Variants in SFT2D1 observed in about 807,000 individuals in gnomAD.
SFT2D1 encodes the protein vesicle transport protein SFT2A.
A neutral mutation model predicts 28.1 loss-of-function variants in SFT2D1; 24 were observed. The observed-to-expected ratio is 0.85, with a 90% CI of 0.62 to 1.20. The LOEUF (loss-of-function observed/expected upper bound fraction) is 1.20, where lower values mean the gene tolerates loss of function less well. SFT2D1 is among the 50% of genes most tolerant of loss of function. The pLI, the probability that SFT2D1 is intolerant of heterozygous loss-of-function variation, is 0.00. For synonymous variants in SFT2D1, 82 were observed against 73.7 expected, an observed-to-expected ratio of 1.11 and a Z score of -0.58; for missense variants, 181 against 190.9, an observed-to-expected ratio of 0.95 and a Z score of 0.31.
At chr6:166,334,854 C>T (rs9459655) in intron 1 of SFT2D1, 2 of 424,922 alleles carry the variant, frequency 4.7e-6, no homozygotes, top group South Asian at 3.8e-5. Context: ...AGGGCTGTCT[C>T]GAGAAGATTC....
chr6:166,328,336 AG>A lies in SFT2D1; in HGVS notation c.254del (p.Pro85LeufsTer2). 6.3e-7 allele frequency: 1 copy of A among 1,589,108 alleles called. No homozygotes were observed. The highest frequency in any genetic ancestry group is 1.2e-5 in the South Asian group (1 of 86,536). ...ALASTCFLMG[P>X]VKQLKKMFEA... ...CAAACATTTTCTTCAGTTGCTTCAC[AG>A]GTCCCATTAAAAAGCATGTACTATT... is the stretch of plus-strand genomic sequence containing the variant. On this transcript the variant is annotated frameshift_variant, in exon 4 of 8. Transcript: ENST00000361731. LOFTEE classifies it high-confidence loss of function.
intron 1 of SFT2D1, chr6:166,334,884 C>A: frequency 2.4e-6 from 1 of 420,230 alleles, no homozygotes; most frequent in South Asian, 2.0e-5. Context: ...AGGTGCCCAA[C>A]TGTGAAAAAG....
intron 6 of SFT2D1, 196 bp from the exon 7 acceptor site, chr6:166,323,082 A>C (rs375844032): frequency 1.4e-5 from 7 of 483,356 alleles, no homozygotes; most frequent in Admixed American, 7.5e-5. Flanking sequence ...CCTACCTTAA[A>C]CCTCCTAAAT....
At chr6:166,330,100 A>C (rs973867233) in intron 2 of SFT2D1, 61 bp downstream of exon 2, 1 of 1,310,308 alleles carries the variant, frequency 7.6e-7, no homozygotes, top group Admixed American at 3.0e-5. Flanking sequence ...TTTGGTACTA[A>C]ATGGAATTAT....
chr6:166,338,881 G>A (rs947389962), intron 1 of SFT2D1, among the ~76,000 whole-genome samples: 15 of 152,054 alleles, frequency 9.9e-5, no homozygotes, highest in African/African-American at 2.9e-4. Flanking sequence ...TCTGGCTACC[G>A]TGCCTCTCCC....
chr6:166,329,367 A>G, intron 3 of SFT2D1, 140 bp downstream of exon 3: 1 of 658,378 alleles, frequency 1.5e-6, no homozygotes, highest in South Asian at 2.6e-5. Flanking sequence ...GTCAATACAT[A>G]TTTATTTAAT....
chr6:166,336,471 T>TA (rs1489265822), intron 1 of SFT2D1, among the ~76,000 whole-genome samples: 1 of 152,134 alleles, frequency 6.6e-6, no homozygotes, highest in Non-Finnish European at 1.5e-5. Context: ...TTAATTCTCT[T>TA]AAAAAAACAC....
At chr6:166,332,382 T>A (rs141234900) in intron 1 of SFT2D1, among the ~76,000 whole-genome samples, 1 of 152,132 alleles carries the variant, frequency 6.6e-6, no homozygotes, top group African/African-American at 2.4e-5. Context: ...AGTCTCCCAA[T>A]TAGCTGGGAC....
chr6:166,329,711 T>C (rs1222504018), intron 2 of SFT2D1, 122 bp from the exon 3 acceptor site: 2 of 777,600 alleles, frequency 2.6e-6, no homozygotes, highest in Non-Finnish European at 4.0e-6. Flanking sequence ...CAAATCTGCT[T>C]GTAGACAGTC....
rs550218057 is a variant in SFT2D1 at position 166,337,048 on chromosome 6, C to T, written c.63+5371G>A. On this transcript the variant is annotated intron_variant, in intron 1 of 7. Coordinates refer to ENST00000361731, the MANE Select transcript of SFT2D1 (RefSeq NM_145169.3). ...GGCTGGCCACAGGCAATTACACAGG[C>T]TCTAGCAGGCAGGCCTCCCGGGGAA... Among the ~76,000 whole-genome samples the T allele has an allele frequency of 4.6e-5, 7 of 152,360 alleles. No homozygotes were observed. In the South Asian group the frequency reaches 1.0e-3, roughly 23 times the overall value.
At chr6:166,329,697 A>AATAC in intron 2 of SFT2D1, 108 bp from the exon 3 acceptor site, 7 of 868,996 alleles carry the variant, frequency 8.1e-6, no homozygotes, top group Non-Finnish European at 1.2e-5. Context: ...AATATGTTTA[A>AATAC]ATACAAATCT....
At chr6:166,332,088 C>G (rs1051801324) in intron 1 of SFT2D1, among the ~76,000 whole-genome samples, 4 of 152,194 alleles carry the variant, frequency 2.6e-5, no homozygotes, top group Non-Finnish European at 5.9e-5. Context: ...CACTTGTAAA[C>G]ATGGAATATT....
At chr6:166,320,420 T>C (rs1778329650) in intron 7 of SFT2D1, among the ~76,000 whole-genome samples, 164 bp from the exon 8 acceptor site, 1 of 152,246 alleles carries the variant, frequency 6.6e-6, no homozygotes, top group Non-Finnish European at 1.5e-5. Flanking sequence ...GATTAAGAGC[T>C]AAGATTTGAA....
Position 166,342,502 on chromosome 6 carries a change from G to C in SFT2D1, c.-21C>G, listed in dbSNP as rs751307187. The C allele has an allele frequency of 7.1e-6, 11 of 1,542,342 alleles. No homozygotes were observed. The highest frequency in any genetic ancestry group is 4.1e-5 in the African/African-American group (3 of 72,884). On this transcript the variant is annotated 5_prime_UTR_variant, in exon 1 of 8. Coordinates refer to ENST00000361731, the MANE Select transcript of SFT2D1 (RefSeq NM_145169.3). ...TCCATGGCCCTGTTACAGGGCCGTAGCGGCCGCCACTCTGTTGCCTGCCCC... is the reference window on the plus strand; with the variant it reads ...TCCATGGCCCTGTTACAGGGCCGTACCGGCCGCCACTCTGTTGCCTGCCCC...
At chr6:166,321,607 T>C (rs1008696425) in intron 7 of SFT2D1, among the ~76,000 whole-genome samples, 1 of 152,216 alleles carries the variant, frequency 6.6e-6, no homozygotes, top group African/African-American at 2.4e-5. Flanking sequence ...AAATAAAATT[T>C]CTACCAATTT....
chr6:166,331,059 T>TG (rs754558555), intron 1 of SFT2D1, among the ~76,000 whole-genome samples: 15 of 152,200 alleles, frequency 9.9e-5, no homozygotes, highest in Non-Finnish European at 4.4e-5. Flanking sequence ...CCAAATTATG[T>TG]GGGGAAAAAA....
chr6:166,324,349 G>T (rs982978414), intron 6 of SFT2D1, 188 bp downstream of exon 6: 1 of 522,352 alleles, frequency 1.9e-6, no homozygotes, highest in Middle Eastern at 3.0e-4. Flanking sequence ...TACTTCTCCC[G>T]AACAGTACCA....
chr6:166,339,776 G>A (rs1020866324), intron 1 of SFT2D1, among the ~76,000 whole-genome samples: 1 of 152,134 alleles, frequency 6.6e-6, no homozygotes, highest in Admixed American at 6.5e-5. Context: ...CCTCTCAGCT[G>A]TCTTTGCCGG....
In SFT2D1 at chr6:166,342,432, C is replaced by T. The variant is rs886074965; in HGVS notation, c.50G>A (p.Gly17Asp). Residue 17 changes from glycine (G) to aspartate (D), a missense_variant, in exon 1 of 8, where the codon GGC (glycine) becomes GAC (aspartate). Coordinates refer to ENST00000361731, the MANE Select transcript of SFT2D1 (RefSeq NM_145169.3). The part of the protein sequence containing the change: ...VLSGQDDEEQ[G>D]LTAQVLDASS... ...CAAGTTCGCTACCTGCGCAGTCAGG[C>T]CCTGCTCCTCGTCGTCCTGGCCGCT... 12 of 1,560,522 alleles carry T rather than the reference C, an allele frequency of 7.7e-6. No individual in the cohort carries two copies. Among genetic ancestry groups the T allele is most frequent in the African/African-American group, 1.4e-5 (1 of 73,830 alleles).
Sources: gnomAD v4.1 joint callset for allele counts (sites outside exome capture counted in the v4.1 genomes callset) on GRCh38, gnomAD v4.1.1 for gene constraint, MANE v1.5 for transcripts, NCBI Gene and HGNC (gene_info 2026-07-23, HGNC 2026-07-21) for gene names.